Variants in CREB3L2 observed in about 807,000 individuals in gnomAD.
CREB3L2 encodes cyclic AMP-responsive element-binding protein 3-like protein 2.
A neutral mutation model predicts 57.2 loss-of-function variants in CREB3L2; 23 were observed. The observed-to-expected ratio is 0.40, with a 90% CI of 0.29 to 0.57. The LOEUF is 0.57. Ranked by LOEUF, CREB3L2 falls within the 20% of genes least tolerant of loss-of-function variation. CREB3L2 has a pLI of 0.42. For synonymous variants in CREB3L2, 268 were observed against 265.1 expected, an observed-to-expected ratio of 1.01 and a Z score of -0.11; for missense variants, 628 against 634.7, an observed-to-expected ratio of 0.99 and a Z score of 0.11.
At chr7:137,916,836 G>GAC (rs895903212) in intron 2 of CREB3L2, among the ~76,000 whole-genome samples, 1 of 152,064 alleles carries the variant, frequency 6.6e-6, no homozygotes, top group African/African-American at 2.4e-5. Flanking sequence ...GAGAGAGAGA[G>GAC]AGAAGCAAGC....
intron 1 of CREB3L2, among the ~76,000 whole-genome samples, chr7:137,938,591 G>A (rs1426352261): frequency 3.3e-5 from 5 of 151,994 alleles, no homozygotes; most frequent in South Asian, 2.1e-4. Context: ...TGATCCACCC[G>A]CCTCGGCTTC....
chr7:137,888,452 C>G (rs983222307), intron 8 of CREB3L2, among the ~76,000 whole-genome samples: 2 of 152,116 alleles, frequency 1.3e-5, no homozygotes, highest in African/African-American at 2.4e-5. Flanking sequence ...TCCTACCCAA[C>G]AGCACAGCTG....
rs1219548812 is a variant in CREB3L2 at position 137,903,889 on chromosome 7, G to A, written c.974+70C>T. The A allele has an allele frequency of 1.5e-5, 20 of 1,315,042 alleles. No homozygotes were observed. In the South Asian group the frequency reaches 1.5e-4, roughly 10 times the overall value. 81.5% of individuals were successfully genotyped at this position (1,315,042 alleles called of 1,614,324 possible). On this transcript the variant is annotated intron_variant, in intron 7 of 11. Coordinates refer to ENST00000330387, the MANE Select transcript of CREB3L2 (RefSeq NM_194071.4). Reference sequence around the variant, plus strand: ...AAGAGGAATTGAACTGCTTCTCCCCGATTCTCCGCACACCCATATTTCCCT... The same window carrying A: ...AAGAGGAATTGAACTGCTTCTCCCCAATTCTCCGCACACCCATATTTCCCT...
chr7:137,879,466 C>G lies in CREB3L2; in HGVS notation c.*1010G>C. 2 of 375,092 alleles carry G rather than the reference C, an allele frequency of 5.3e-6. 1 individual carries two copies. Among genetic ancestry groups the G allele is most frequent in the South Asian group, 5.6e-5 (2 of 35,640 alleles). 23.2% of individuals were successfully genotyped at this position (375,092 alleles called of 1,614,324 possible). A position where few individuals can be genotyped will look rare whatever the true frequency, so the allele number is the denominator to read the frequency against. ...AGAAAAAGCTTGTGGCCAGGGAGCCCGGGGCCTGAGTGAGGCATTGTGTCA... is the reference window on the plus strand; with the variant it reads ...AGAAAAAGCTTGTGGCCAGGGAGCCGGGGGCCTGAGTGAGGCATTGTGTCA... On this transcript the variant is annotated 3_prime_UTR_variant, in exon 12 of 12. Transcript: ENST00000330387.
chr7:137,955,447 C>G, intron 1 of CREB3L2: 1 of 486,642 alleles, frequency 2.1e-6, no homozygotes, highest in Admixed American at 2.5e-5. Context: ...CTTACACGTC[C>G]GGTTCAGAAA....
intron 8 of CREB3L2, among the ~76,000 whole-genome samples, chr7:137,891,332 G>A (rs972619799): frequency 2.6e-5 from 4 of 152,124 alleles, no homozygotes; most frequent in African/African-American, 7.2e-5. Context: ...TACAATAACT[G>A]GGAAATGCAT....
intron 2 of CREB3L2, among the ~76,000 whole-genome samples, chr7:137,918,615 T>C (rs1800203781): frequency 6.6e-6 from 1 of 152,016 alleles, no homozygotes; most frequent in South Asian, 2.1e-4. Context: ...TAAGGAAGCA[T>C]CCCTGAGAAA....
Position 137,903,884 on chromosome 7 carries a change from T to C in CREB3L2, c.974+75A>G, listed in dbSNP as rs1799822606. On this transcript the variant is annotated intron_variant, in intron 7 of 11. Coordinates refer to ENST00000330387, the MANE Select transcript of CREB3L2 (RefSeq NM_194071.4). The stretch of plus-strand genomic sequence containing the variant: ...CCAGAAAGAGGAATTGAACTGCTTC[T>C]CCCCGATTCTCCGCACACCCATATT... The C allele has an allele frequency of 3.2e-6, 4 of 1,262,532 alleles. No individual in the cohort carries two copies. The Admixed American group carries it at 6.9e-5, about 22-fold the overall frequency. The allele number at this position is 1,262,532 out of a possible 1,614,324, so 78.2% of individuals were successfully genotyped here. A position where few individuals can be genotyped will look rare whatever the true frequency, so the allele number is the denominator to read the frequency against.
At chr7:137,901,514 G>C in intron 7 of CREB3L2, 92 bp from the exon 8 acceptor site, 1 of 747,600 alleles carries the variant, frequency 1.3e-6, no homozygotes, top group Non-Finnish European at 2.3e-6. Context: ...TGAGGAAAAG[G>C]AGGGTTGGGG....
chr7:137,901,083 T>C (rs1799744146), intron 8 of CREB3L2, among the ~76,000 whole-genome samples: 1 of 152,202 alleles, frequency 6.6e-6, no homozygotes, highest in Non-Finnish European at 1.5e-5. Flanking sequence ...TGTATGTGCA[T>C]ATGAGAGTGT....
rs34643720 is a variant in CREB3L2 at position 137,875,706 on chromosome 7, AT to A, written c.*4769del. 0.54 allele frequency: 119,951 copies of A among 223,034 alleles called. 36,165 individuals are homozygous for A. The highest frequency in any genetic ancestry group is 0.71 in the East Asian group (10,897 of 15,332). The allele number at this position is 223,034 out of a possible 1,614,324, so 13.8% of individuals were successfully genotyped here. A position where few individuals can be genotyped will look rare whatever the true frequency, so the allele number is the denominator to read the frequency against. On this transcript the variant is annotated 3_prime_UTR_variant, in exon 12 of 12. Transcript: ENST00000330387. ...GCTCAGCTAGTCCAGAAATTGCTGC[AT>A]TTCCCATATTACTTAGTTCTTTATT...
chr7:137,902,067 G>T (rs1799772750), intron 7 of CREB3L2, among the ~76,000 whole-genome samples: 1 of 151,258 alleles, frequency 6.6e-6, no homozygotes, highest in Admixed American at 6.6e-5. Flanking sequence ...GGTGGTGTGT[G>T]CCTGTAATCC....
chr7:137,997,748 A>G (rs1802010831), intron 1 of CREB3L2, among the ~76,000 whole-genome samples: 1 of 151,696 alleles, frequency 6.6e-6, no homozygotes, highest in African/African-American at 2.4e-5. Flanking sequence ...AAAATAAAAT[A>G]AAATAAAATA....
At position 137,945,898 on chromosome 7, in the gene CREB3L2, A is replaced by G. The variant is rs532755628; in HGVS notation, c.103-17532T>C. 3.9e-5 allele frequency among the ~76,000 whole-genome samples: 6 copies of G among 152,312 alleles called. No homozygotes were observed. The South Asian group carries it at 8.3e-4, about 21-fold the overall frequency. The stretch of plus-strand genomic sequence containing the variant: ...CAAATTTCCACCTTGAGCCGCTACA[A>G]TTAAGCTTTTATCTTTAGATTGTAT... On this transcript the variant is annotated intron_variant, in intron 1 of 11. Transcript: ENST00000330387.
chr7:137,910,590 G>A (rs1799985285), intron 4 of CREB3L2, among the ~76,000 whole-genome samples: 1 of 151,904 alleles, frequency 6.6e-6, no homozygotes, highest in Non-Finnish European at 1.5e-5. Context: ...CAAAAAAACG[G>A]GAAGCAGACG....
chr7:137,908,270 A>G lies in CREB3L2; in HGVS notation c.750T>C (p.Pro250=), dbSNP rs1799932026. 3.2e-6 allele frequency: 4 copies of G among 1,258,868 alleles called. No individual in the cohort carries two copies. The highest frequency in any genetic ancestry group is 3.0e-6 in the Non-Finnish European group (3 of 993,036). 78.0% of individuals were successfully genotyped at this position (1,258,868 alleles called of 1,614,324 possible). Residue 250 remains proline, a synonymous_variant, in exon 5 of 12, where the codon CCT becomes CCC. Coordinates refer to ENST00000330387, the MANE Select transcript of CREB3L2 (RefSeq NM_194071.4). ...TACTTACATGAGGAGCCGTGAGGAG[A>G]GGGGAGCTGGAGAGGGCGGAGGGGG... ...PRAPSALSSS[P]LLTAPHKLQG...
At chr7:137,931,253 T>C (rs1265139416) in intron 1 of CREB3L2, among the ~76,000 whole-genome samples, 2 of 152,000 alleles carry the variant, frequency 1.3e-5, no homozygotes, top group African/African-American at 2.4e-5. Flanking sequence ...CCAAGCACGG[T>C]GGTTCACGCC....
intron 7 of CREB3L2, among the ~76,000 whole-genome samples, chr7:137,903,491 A>G (rs1349889551): frequency 1.3e-5 from 2 of 152,170 alleles, no homozygotes; most frequent in Non-Finnish European, 2.9e-5. Context: ...TTTTGCAAAA[A>G]AAAAAAAACA....
chr7:137,967,172 C>T lies in CREB3L2; in HGVS notation c.102+34432G>A, dbSNP rs111338671. On this transcript the variant is annotated intron_variant, in intron 1 of 11. Transcript: ENST00000330387. Reference sequence around the variant, plus strand: ...CTGCAAGTCAGGAAGCGGGCGCTCACCAGAGCTCAACTATGCTGGCACACT... The same window carrying T: ...CTGCAAGTCAGGAAGCGGGCGCTCATCAGAGCTCAACTATGCTGGCACACT... 4.6e-5 allele frequency among the ~76,000 whole-genome samples: 7 copies of T among 152,340 alleles called. 1 individual carries two copies. Among genetic ancestry groups the T allele is most frequent in the African/African-American group, 1.7e-4 (7 of 41,582 alleles).
Sources: allele counts gnomAD v4.1 joint callset (sites outside exome capture counted in the v4.1 genomes callset), GRCh38; gene constraint gnomAD v4.1.1; transcripts MANE v1.5; gene names NCBI Gene and HGNC (gene_info 2026-07-23, HGNC 2026-07-21).